The following SYNPO2 variants were observed in gnomAD, a reference collection of about 807,000 sequenced individuals.
SYNPO2 encodes the protein synaptopodin 2.
SYNPO2 carries 56 observed loss-of-function variants against 85.0 expected under a neutral mutation model. The observed-to-expected ratio is 0.66, with a 90% CI of 0.53 to 0.82. The LOEUF (loss-of-function observed/expected upper bound fraction) is 0.82. Among genes scored for constraint, SYNPO2 ranks in the 40% least tolerant of loss-of-function variants. SYNPO2 has a pLI of 0.00. For missense variants in SYNPO2, 1,575 were observed against 1,534.2 expected, an observed-to-expected ratio of 1.03 and a Z score of -0.44; for synonymous variants, 602 against 591.1, an observed-to-expected ratio of 1.02 and a Z score of -0.27.
At position 119,031,272 on chromosome 4, in the gene SYNPO2, G is replaced by C; in HGVS notation, c.2497G>C (p.Ala833Pro). 1 of 1,614,170 alleles carries C rather than the reference G, an allele frequency of 6.2e-7. No individual in the cohort carries two copies. The highest frequency in any genetic ancestry group is 8.5e-7 in the Non-Finnish European group (1 of 1,180,042). ...NVAGPFKGPQ[A>P]AVASQNYTPK... The stretch of plus-strand genomic sequence containing the variant: ...GGCTGGTCCCTTCAAAGGACCACAA[G>C]CAGCAGTAGCCAGTCAGAATTACAC... The change falls in exon 4 of 5, where the codon GCA (alanine) becomes CCA (proline). Residue 833 changes from alanine (A) to proline (P), a missense_variant. By Grantham distance (27) the Ala-to-Pro change is conservative. Transcript: ENST00000307142.
intron 1 of SYNPO2, among the ~76,000 whole-genome samples, chr4:119,008,890 C>A (rs115466961): frequency 6.6e-6 from 1 of 151,982 alleles, no homozygotes; most frequent in East Asian, 1.9e-4. Flanking sequence ...ATGTGGAGAT[C>A]GTTTTTTCTA....
chr4:118,881,301 CAA>C (rs765003546), intron 1 of SYNPO2, among the ~76,000 whole-genome samples: 13 of 114,002 alleles, frequency 1.1e-4, no homozygotes, highest in Admixed American at 8.6e-5. Flanking sequence ...AACTCCGTCT[CAA>C]AAAAAAAAAA....
chr4:118,948,263 T>C (rs114101799), intron 1 of SYNPO2, among the ~76,000 whole-genome samples: 1 of 152,308 alleles, frequency 6.6e-6, no homozygotes, highest in Non-Finnish European at 1.5e-5. Context: ...ATTAACCAAG[T>C]ACAGGGTAAA....
At chr4:119,055,904 A>T (rs1480770427) in intron 4 of SYNPO2, among the ~76,000 whole-genome samples, 1 of 151,510 alleles carries the variant, frequency 6.6e-6, no homozygotes, top group African/African-American at 2.4e-5. Flanking sequence ...CCTAATAATA[A>T]AAAAAAAACG....
At chr4:118,977,726 A>G (rs1478448732) in intron 1 of SYNPO2, among the ~76,000 whole-genome samples, 2 of 152,190 alleles carry the variant, frequency 1.3e-5, no homozygotes, top group African/African-American at 2.4e-5. Flanking sequence ...TTGTCTGTGG[A>G]GCATCAACTC....
intron 1 of SYNPO2, among the ~76,000 whole-genome samples, chr4:118,948,068 A>T (rs1734565384): frequency 6.6e-6 from 1 of 152,246 alleles, no homozygotes; most frequent in African/African-American, 2.4e-5. Context: ...AAAGAATAAA[A>T]AAAACACTTT....
Position 119,060,258 on chromosome 4 carries a change from C to G in SYNPO2, c.*2324C>G, listed in dbSNP as rs1739369359. 6.6e-6 allele frequency: 1 copy of G among 152,128 alleles called. No individual in the cohort carries two copies. Among genetic ancestry groups the G allele is most frequent in the Admixed American group, 6.5e-5 (1 of 15,270 alleles). 9.4% of individuals were successfully genotyped at this position (152,128 alleles called of 1,614,324 possible). A position where few individuals can be genotyped will look rare whatever the true frequency, so the allele number is the denominator to read the frequency against. On this transcript the variant is annotated 3_prime_UTR_variant, in exon 5 of 5. Transcript: ENST00000307142. The stretch of plus-strand genomic sequence containing the variant: ...GCATGCACTAGATCAATATTATCAT[C>G]TGTATTAAGCTATCTGAATTTATTC...
chr4:118,995,861 C>CT (rs1278664047), intron 1 of SYNPO2, among the ~76,000 whole-genome samples: 13 of 130,016 alleles, frequency 1.0e-4, no homozygotes, highest in Admixed American at 3.2e-4. Context: ...ATCTATTTAT[C>CT]TTATCTATCT....
chr4:119,060,940 G>C lies in SYNPO2; in HGVS notation c.*3006G>C, dbSNP rs1465872705. ...TTGGCACAATTATACACATTGGAAA[G>C]GGCCAACCTATTAGGGCTCAAGTAT... On this transcript the variant is annotated 3_prime_UTR_variant, in exon 5 of 5. Transcript: ENST00000307142. 3 of 151,564 alleles carry C rather than the reference G, an allele frequency of 2.0e-5. No individual in the cohort carries two copies. Among genetic ancestry groups the C allele is most frequent in the Admixed American group, 1.3e-4 (2 of 15,198 alleles). The allele number at this position is 151,564 out of a possible 1,614,324, so 9.4% of individuals were successfully genotyped here. A position where few individuals can be genotyped will look rare whatever the true frequency, so the allele number is the denominator to read the frequency against.
intron 1 of SYNPO2, among the ~76,000 whole-genome samples, chr4:118,925,026 T>C (rs541590716): frequency 6.6e-6 from 1 of 152,306 alleles, no homozygotes; most frequent in South Asian, 2.1e-4. Flanking sequence ...GAGTGAAGGA[T>C]AGGCTTGTTT....
At chr4:118,972,711 T>C (rs1427027044) in intron 1 of SYNPO2, among the ~76,000 whole-genome samples, 2 of 152,190 alleles carry the variant, frequency 1.3e-5, no homozygotes, top group Non-Finnish European at 2.9e-5. Context: ...TGAAACTGTT[T>C]TGCCCACTGC....
At position 119,031,786 on chromosome 4, in the gene SYNPO2, A is replaced by G. The variant is rs752778875; in HGVS notation, c.3011A>G (p.Gln1004Arg). ...VKVNSALAMKQALPPRPVNAA... is the reference protein window; with the variant it reads ...VKVNSALAMKRALPPRPVNAA... ...GTCAATTCAGCCCTGGCCATGAAGC[A>G]AGCTCTTCCTCCCCGGCCAGTGAAT... Residue 1004 changes from glutamine (Q) to arginine (R), a missense_variant, in exon 4 of 5, where the codon CAA (glutamine) becomes CGA (arginine). Around this residue, in one of 3 missense-constraint regions of SYNPO2, gnomAD observed 1,508 missense variants for 1,446.8 expected, o/e 1.04. Coordinates refer to ENST00000307142, the MANE Select transcript of SYNPO2 (RefSeq NM_133477.3). 4.3e-6 allele frequency: 7 copies of G among 1,614,066 alleles called. No individual in the cohort carries two copies. In the East Asian group the frequency reaches 1.3e-4, roughly 31 times the overall value.
chr4:118,859,608 A>ACTCTTT (rs532915577), intron 1 of SYNPO2, among the ~76,000 whole-genome samples: 117 of 151,656 alleles, frequency 7.7e-4, no homozygotes, highest in African/African-American at 2.7e-3. Flanking sequence ...CCATCCTTCT[A>ACTCTTT]CTCTTTGTCT....
intron 1 of SYNPO2, among the ~76,000 whole-genome samples, chr4:118,879,089 C>T (rs985543653): frequency 6.6e-6 from 1 of 152,202 alleles, no homozygotes; most frequent in Non-Finnish European, 1.5e-5. Context: ...AGGTGTGCCA[C>T]TTCACTCCTG....
chr4:118,995,737 G>A (rs1175442755), intron 1 of SYNPO2, among the ~76,000 whole-genome samples: 2 of 152,136 alleles, frequency 1.3e-5, no homozygotes, highest in African/African-American at 2.4e-5. Flanking sequence ...TGACTACAAG[G>A]AAGTTTAAAA....
chr4:118,969,002 G>A (rs1994628), intron 1 of SYNPO2, among the ~76,000 whole-genome samples: 60,483 of 152,076 alleles, frequency 0.4, 12,210 homozygotes, highest in South Asian at 0.52. Context: ...AACGAGAGGA[G>A]TGAGGAGACC....
At position 119,030,131 on chromosome 4, in the gene SYNPO2, C is replaced by G. The variant is rs1175588972; in HGVS notation, c.1356C>G (p.Asp452Glu). 1.2e-6 allele frequency: 2 copies of G among 1,614,078 alleles called. No individual in the cohort carries two copies. Among genetic ancestry groups the G allele is most frequent in the Admixed American group, 1.7e-5 (1 of 60,014 alleles). The change falls in exon 4 of 5, where the codon GAC becomes GAG. Residue 452 changes from aspartate to glutamate, a missense_variant. Asp to Glu is a conservative substitution (Grantham distance 45, BLOSUM62 2). Around this residue, in one of 3 missense-constraint regions of SYNPO2, gnomAD observed 1,508 missense variants for 1,446.8 expected, o/e 1.04. Transcript: ENST00000307142. ...ESEVDEELLSDVDDNTQVVNF... is the reference protein window; with the variant it reads ...ESEVDEELLSEVDDNTQVVNF... ...AGGTGGATGAAGAGTTATTGTCTGA[C>G]GTTGACGACAACACACAAGTTGTGA... is the stretch of plus-strand genomic sequence containing the variant.
intron 1 of SYNPO2, among the ~76,000 whole-genome samples, chr4:118,893,871 A>G (rs1303658752): frequency 1.3e-5 from 2 of 152,096 alleles, no homozygotes; most frequent in Non-Finnish European, 2.9e-5. Context: ...TGTTCTCGTC[A>G]CAAAGAAATG....
intron 1 of SYNPO2, among the ~76,000 whole-genome samples, chr4:118,951,666 T>C (rs995660812): frequency 1.3e-5 from 2 of 152,164 alleles, no homozygotes; most frequent in Non-Finnish European, 2.9e-5. Context: ...AATTTTATAG[T>C]AATATAGGCC....
Sources: gnomAD v4.1 joint callset for allele counts (sites outside exome capture counted in the v4.1 genomes callset) on GRCh38, gnomAD v4.1.1 for gene constraint, gnomAD v4.1.1 regional missense constraint, MANE v1.5 for transcripts, NCBI Gene and HGNC (gene_info 2026-07-23, HGNC 2026-07-21) for gene names.